Variants in USH2A observed in about 807,000 individuals in gnomAD.
The protein encoded by USH2A is usherin.
Under a neutral mutation model 538.9 loss-of-function variants are expected in USH2A, and 443 were observed. The ratio of observed to expected loss-of-function variants is 0.82; its 90% CI spans 0.76 to 0.89. USH2A has a LOEUF of 0.89. Among genes scored for constraint, USH2A ranks in the 40% least tolerant of loss-of-function variants. The pLI, the probability that USH2A is intolerant of heterozygous loss-of-function variation, is 0.00. For synonymous variants in USH2A, 2,413 were observed against 2,273.5 expected (o/e 1.06, Z -1.75); for missense variants, 6,633 against 6,324.8 (o/e 1.05, Z -1.65).
intron 1 of USH2A, 89 bp downstream of exon 1, chr1:216,423,125 G>A (rs189039331): frequency 1.3e-5 from 2 of 152,244 alleles, no homozygotes; most frequent in East Asian, 1.9e-4. Context: ...AAATGTTTCT[G>A]TGTTTCCTCA....
At chr1:216,149,195 C>T (rs1285926146) in intron 21 of USH2A, among the ~76,000 whole-genome samples, 12 of 152,152 alleles carry the variant, frequency 7.9e-5, no homozygotes, top group East Asian at 3.9e-4. Flanking sequence ...CTGTGTGCAG[C>T]GGCTGCCGCT....
intron 3 of USH2A, among the ~76,000 whole-genome samples, chr1:216,391,493 A>G (rs1037350099): frequency 1.3e-5 from 2 of 152,202 alleles, no homozygotes; most frequent in Non-Finnish European, 2.9e-5. Context: ...ATTGACAGGT[A>G]AAGTCCTCCT....
intron 44 of USH2A, among the ~76,000 whole-genome samples, chr1:215,846,949 T>G (rs556115809): frequency 6.6e-6 from 1 of 152,334 alleles, no homozygotes; most frequent in South Asian, 2.1e-4. Flanking sequence ...GGATAATACT[T>G]AAATTTTTAT....
chr1:216,253,633 C>G (rs2036206206), intron 11 of USH2A, among the ~76,000 whole-genome samples: 1 of 152,092 alleles, frequency 6.6e-6, no homozygotes, highest in South Asian at 2.1e-4. Flanking sequence ...TCGCCCTGAC[C>G]CTACACTTCT....
At chr1:215,763,391 C>T (rs942576946) in intron 56 of USH2A, among the ~76,000 whole-genome samples, 14 of 152,038 alleles carry the variant, frequency 9.2e-5, no homozygotes, top group African/African-American at 3.4e-4. Flanking sequence ...GGAAGATTTC[C>T]AGAAGGGGAG....
Position 215,837,746 on chromosome 1 carries a change from G to A in USH2A, c.9371+245C>T, listed in dbSNP as rs2027355. The stretch of plus-strand genomic sequence containing the variant: ...TCAAATAAGGAGACATGTATTTCAA[G>A]TATTTGCTTACAGGTTACTAAATAA... On this transcript the variant is annotated intron_variant, in intron 47 of 71. Transcript: ENST00000307340. Among the ~76,000 whole-genome samples, 56,641 of 152,042 alleles carry A rather than the reference G, an allele frequency of 0.37. 11,262 individuals are homozygous for A. The highest frequency in any genetic ancestry group is 0.52 in the Admixed American group (7,868 of 15,276).
At chr1:215,652,527 A>G (rs1657115803) in intron 64 of USH2A, among the ~76,000 whole-genome samples, 2 of 152,174 alleles carry the variant, frequency 1.3e-5, no homozygotes, top group South Asian at 4.1e-4. Flanking sequence ...CATGGAAGTT[A>G]GAGTCCATCC....
At chr1:216,305,743 A>G (rs1054008544) in intron 9 of USH2A, among the ~76,000 whole-genome samples, 1 of 152,128 alleles carries the variant, frequency 6.6e-6, no homozygotes, top group Non-Finnish European at 1.5e-5. Flanking sequence ...TGTCGGAAAA[A>G]GACTGTATTT....
At position 215,838,111 on chromosome 1, in the gene USH2A, C is replaced by T. The variant is rs530742982; in HGVS notation, c.9259-8G>A. On this transcript the variant is annotated splice_polypyrimidine_tract_variant and splice_region_variant and intron_variant, in intron 46 of 71. Transcript: ENST00000307340. ...TATTGTGCAGACTTCAACCTGCAAA[C>T]ATTAGTTTAGAAAAAATAAATGCAA... The T allele has an allele frequency of 1.2e-6, 2 of 1,608,450 alleles. No homozygotes were observed. Among genetic ancestry groups the T allele is most frequent in the Non-Finnish European group, 1.7e-6 (2 of 1,174,904 alleles).
Position 215,675,619 on chromosome 1 carries a change from A to T in USH2A, c.12295-3T>A, listed in dbSNP as rs111033518. ...CCGTCACTGAAGATGTTGTATGTCT[A>T]CAGAAGGACAGAAGCAAAAGGGATA... On this transcript the variant is annotated splice_polypyrimidine_tract_variant and splice_region_variant and intron_variant, in intron 62 of 71. Transcript: ENST00000307340. 87 of 1,614,048 alleles carry T rather than the reference A, an allele frequency of 5.4e-5. No individual in the cohort carries two copies. The highest frequency in any genetic ancestry group is 7.0e-5 in the Non-Finnish European group (83 of 1,180,010).
intron 4 of USH2A, among the ~76,000 whole-genome samples, chr1:216,343,429 A>G (rs185689491): frequency 6.4e-4 from 97 of 150,778 alleles, no homozygotes; most frequent in African/African-American, 2.3e-3. Context: ...ACTCCCAGCT[A>G]TGCAGTAGGC....
chr1:216,132,996 T>C (rs2033408393), intron 21 of USH2A, among the ~76,000 whole-genome samples: 2 of 152,080 alleles, frequency 1.3e-5, no homozygotes, highest in South Asian at 2.1e-4. Flanking sequence ...ATTCCCAAAA[T>C]GTTGATGCGT....
rs745371873 is a variant in USH2A, at chr1:215,675,216, G to C, written c.12695C>G (p.Pro4232Arg). 1 of 1,613,878 alleles carries C rather than the reference G, an allele frequency of 6.2e-7. No homozygotes were observed. The highest frequency in any genetic ancestry group is 8.5e-7 in the Non-Finnish European group (1 of 1,179,924). The change falls in exon 63 of 72, where the codon CCA becomes CGA. Residue 4232 changes from proline to arginine, a missense_variant. Coordinates refer to ENST00000307340, the MANE Select transcript of USH2A (RefSeq NM_206933.4). ...GATTTTATATTCACACTGCGTCCAT[G>C]GTTGCAAACCTGTGTCATTATACAT... is the stretch of plus-strand genomic sequence containing the variant. ...TFMYNDTGLQPWTQCEYKIYT... is the reference protein window; with the variant it reads ...TFMYNDTGLQRWTQCEYKIYT...
chr1:216,218,142 AAACTT>A (rs141041413), intron 14 of USH2A, among the ~76,000 whole-genome samples: 1,843 of 152,226 alleles, frequency 0.012, 28 homozygotes, highest in African/African-American at 0.042. Context: ...TTTATGAACT[AAACTT>A]AGTTATCCAT....
chr1:215,714,839 GT>G (rs1659436638), intron 61 of USH2A, among the ~76,000 whole-genome samples: 1 of 152,092 alleles, frequency 6.6e-6, no homozygotes, highest in South Asian at 2.1e-4. Flanking sequence ...GGTGTTTTTG[GT>G]GTAATAGGTC....
intron 12 of USH2A, among the ~76,000 whole-genome samples, chr1:216,247,515 T>C (rs2036077027): frequency 6.6e-6 from 1 of 152,212 alleles, no homozygotes; most frequent in Admixed American, 6.5e-5. Context: ...GGAGCTCTTT[T>C]TCTCTTTAAC....
At chr1:215,972,167 T>A (rs974273115) in intron 35 of USH2A, among the ~76,000 whole-genome samples, 2 of 152,180 alleles carry the variant, frequency 1.3e-5, no homozygotes, top group Non-Finnish European at 2.9e-5. Flanking sequence ...TATTGGGTTT[T>A]GCCAGTGGGA....
At chr1:216,179,115 T>G (rs916041715) in intron 20 of USH2A, among the ~76,000 whole-genome samples, 1 of 152,086 alleles carries the variant, frequency 6.6e-6, no homozygotes, top group Non-Finnish European at 1.5e-5. Context: ...ACCACTCAAC[T>G]CAATGGAGAT....
chr1:216,153,494 A>G (rs551992422), intron 21 of USH2A, among the ~76,000 whole-genome samples: 16 of 152,344 alleles, frequency 1.1e-4, no homozygotes, highest in African/African-American at 3.4e-4. Flanking sequence ...CTGGAGCCCA[A>G]TTATATTCCT....
Sources: gnomAD v4.1 joint callset for allele counts (sites outside exome capture counted in the v4.1 genomes callset) on GRCh38, gnomAD v4.1.1 for gene constraint, MANE v1.5 for transcripts, NCBI Gene and HGNC (gene_info 2026-07-23, HGNC 2026-07-21) for gene names.